Variants in C11orf54 observed in about 807,000 individuals in gnomAD.
C11orf54 encodes beta-keto-L-gulonate decarboxylase.
In C11orf54, 29 loss-of-function variants were observed where a neutral mutation model predicts 35.5. That is an observed-to-expected ratio of 0.82 (90% CI 0.61 to 1.11). The LOEUF (loss-of-function observed/expected upper bound fraction) is 1.11. Among genes scored for constraint, C11orf54 ranks in the 50% most tolerant of loss-of-function variants. C11orf54 has a pLI of 0.00. For missense variants in C11orf54, 373 were observed against 369.2 expected, an observed-to-expected ratio of 1.01 and a Z score of -0.08; for synonymous variants, 108 against 121.1, an observed-to-expected ratio of 0.89 and a Z score of 0.71.
chr11:93,753,045 A>G (rs559701054), intron 3 of C11orf54, among the ~76,000 whole-genome samples: 2 of 152,094 alleles, frequency 1.3e-5, no homozygotes, highest in Non-Finnish European at 2.9e-5. Flanking sequence ...CAGTAGCACA[A>G]TCTTGGCTCA....
Position 93,747,382 on chromosome 11 carries a change from A to G in C11orf54, c.-12A>G. On this transcript the variant is annotated 5_prime_UTR_variant, in exon 2 of 9. Transcript: ENST00000354421. ...TCTATTTGTCCAACCTCACACCTAAAGAAGAAAGAAAATGGCTTGTGCTGA... is the reference window on the plus strand; with the variant it reads ...TCTATTTGTCCAACCTCACACCTAAGGAAGAAAGAAAATGGCTTGTGCTGA... 6.3e-7 allele frequency: 1 copy of G among 1,594,112 alleles called. No homozygotes were observed. Among genetic ancestry groups the G allele is most frequent in the Non-Finnish European group, 8.5e-7 (1 of 1,172,374 alleles).
chr11:93,751,101 C>T (rs915543181), intron 3 of C11orf54, among the ~76,000 whole-genome samples: 3 of 152,110 alleles, frequency 2.0e-5, no homozygotes, highest in Non-Finnish European at 4.4e-5. Context: ...TCCTGTTATA[C>T]CCTATTATGA....
chr11:93,750,385 A>G lies in C11orf54; in HGVS notation c.95A>G (p.Gln32Arg). The G allele has an allele frequency of 6.2e-7, 1 of 1,613,876 alleles. No homozygotes were observed. Among genetic ancestry groups the G allele is most frequent in the Non-Finnish European group, 8.5e-7 (1 of 1,179,866 alleles). The stretch of plus-strand genomic sequence containing the variant: ...TTAAAAGATAACTTTGCTGATGTCC[A>G]GGTCTCTGTAGTTGATTGCCCTGAT... ...KGLKDNFADV[Q>R]VSVVDCPDLT... Residue 32 changes from glutamine (Q) to arginine (R), a missense_variant, in exon 3 of 9, where the codon CAG (glutamine) becomes CGG (arginine). Coordinates refer to ENST00000354421, the MANE Select transcript of C11orf54 (RefSeq NM_001286069.2).
At chr11:93,751,820 C>CTTTT (rs35146074) in intron 3 of C11orf54, among the ~76,000 whole-genome samples, 277 of 80,186 alleles carry the variant, frequency 3.5e-3, no homozygotes, top group Middle Eastern at 0.01. Context: ...AATGGTTAAT[C>CTTTT]TTTTTTTTTT....
chr11:93,755,647 G>C (rs118019732), intron 6 of C11orf54, among the ~76,000 whole-genome samples: 4,044 of 151,758 alleles, frequency 0.027, 88 homozygotes, highest in Middle Eastern at 0.031. Context: ...AGCTACTCGG[G>C]GGGGCTGAGG....
In C11orf54 at chr11:93,763,471, T is replaced by C. The variant is rs1458511241; in HGVS notation, c.*1783T>C. ...CACATGTCCAGACTGATAGCCAAGT[T>C]CAGTGGCTCACGCCTGTAATCCTAG... On this transcript the variant is annotated 3_prime_UTR_variant, in exon 9 of 9. Transcript: ENST00000354421. 6.6e-6 allele frequency: 1 copy of C among 152,132 alleles called. No homozygotes were observed. Among genetic ancestry groups the C allele is most frequent in the African/African-American group, 2.4e-5 (1 of 41,404 alleles). The allele number at this position is 152,132 out of a possible 1,614,324, so 9.4% of individuals were successfully genotyped here.
chr11:93,754,201 C>T (rs1448358721), intron 5 of C11orf54, among the ~76,000 whole-genome samples, 164 bp downstream of exon 5: 1 of 152,202 alleles, frequency 6.6e-6, no homozygotes, highest in African/African-American at 2.4e-5. Flanking sequence ...TCCAACTGGA[C>T]TAACTGTAAT....
At chr11:93,759,254 C>G (rs1034498563) in intron 7 of C11orf54, among the ~76,000 whole-genome samples, 2 of 152,120 alleles carry the variant, frequency 1.3e-5, no homozygotes, top group Non-Finnish European at 2.9e-5. Context: ...GACTTGGAAC[C>G]AACTCAAATG....
intron 1 of C11orf54, chr11:93,746,069 T>C (rs1263504902): frequency 6.6e-6 from 1 of 152,196 alleles, no homozygotes; most frequent in African/African-American, 2.4e-5. Flanking sequence ...AGCTGGTATT[T>C]GATAAAGTAC....
rs774798574 is a variant in C11orf54 at position 93,755,310 on chromosome 11, A to T, written c.431A>T (p.Lys144Ile). 1.9e-6 allele frequency: 3 copies of T among 1,614,172 alleles called. No homozygotes were observed. In the South Asian group the frequency reaches 3.3e-5, roughly 18 times the overall value. The change falls in exon 6 of 9, where the codon AAA becomes ATA. Residue 144 changes from lysine to isoleucine, a missense_variant. By Grantham distance (102) the Lys-to-Ile change is moderately radical. Coordinates refer to ENST00000354421, the MANE Select transcript of C11orf54 (RefSeq NM_001286069.2). Reference protein sequence around the residue: ...NPADGGCLLEKYSEKCHDFQC... With the variant: ...NPADGGCLLEIYSEKCHDFQC... ...GCAGATGGAGGGTGCCTACTGGAGAAATACAGTGAGAAATGTCATGATTTT... is the reference window on the plus strand; with the variant it reads ...GCAGATGGAGGGTGCCTACTGGAGATATACAGTGAGAAATGTCATGATTTT...
chr11:93,753,059 C>T (rs1301268763), intron 3 of C11orf54, among the ~76,000 whole-genome samples: 1 of 152,082 alleles, frequency 6.6e-6, no homozygotes, highest in African/African-American at 2.4e-5. Flanking sequence ...TGGCTCACTG[C>T]AACCTCTGCC....
intron 6 of C11orf54, 84 bp from the exon 7 acceptor site, chr11:93,757,232 T>C: frequency 7.1e-7 from 1 of 1,414,254 alleles, no homozygotes; most frequent in Non-Finnish European, 9.4e-7. Flanking sequence ...AATATTTGCT[T>C]GATAGAATTA....
rs117194591 is a variant in C11orf54, at chr11:93,756,432, G to A, written c.508-884G>A. On this transcript the variant is annotated intron_variant, in intron 6 of 8. Coordinates refer to ENST00000354421, the MANE Select transcript of C11orf54 (RefSeq NM_001286069.2). Reference sequence around the variant, plus strand: ...CCCTTGTGCCCAGGTGTTTGAGGCCGCAACGAGCTATGATCACACCACTGC... The same window carrying A: ...CCCTTGTGCCCAGGTGTTTGAGGCCACAACGAGCTATGATCACACCACTGC... 2.5e-3 allele frequency among the ~76,000 whole-genome samples: 380 copies of A among 149,284 alleles called. 11 individuals are homozygous for A. In the East Asian group the frequency reaches 0.053, roughly 21 times the overall value.
Position 93,762,338 on chromosome 11 carries a change from A to C in C11orf54, c.*650A>C, listed in dbSNP as rs752709929. 2 of 152,266 alleles carry C rather than the reference A, an allele frequency of 1.3e-5. No homozygotes were observed. Among genetic ancestry groups the C allele is most frequent in the Non-Finnish European group, 2.9e-5 (2 of 68,052 alleles). 9.4% of individuals were successfully genotyped at this position (152,266 alleles called of 1,614,324 possible). On this transcript the variant is annotated 3_prime_UTR_variant, in exon 9 of 9. Transcript: ENST00000354421. ...AAAATCAGTGTTTAGAAATGTTGATAGTTATTGAATCTTTGAATTGAATTT... is the reference window on the plus strand; with the variant it reads ...AAAATCAGTGTTTAGAAATGTTGATCGTTATTGAATCTTTGAATTGAATTT...
chr11:93,749,143 C>CAAAA (rs879164036), intron 2 of C11orf54, among the ~76,000 whole-genome samples: 33 of 54,192 alleles, frequency 6.1e-4, no homozygotes, highest in Non-Finnish European at 1.2e-3. Context: ...GACTCCATCT[C>CAAAA]AAAAAAAAAA....
At chr11:93,749,504 CA>C (rs10624807) in intron 2 of C11orf54, among the ~76,000 whole-genome samples, 25 of 71,734 alleles carry the variant, frequency 3.5e-4, no homozygotes, top group African/African-American at 1.5e-3. Context: ...GACTCTGTCT[CA>C]AAAAAAAAAA....
chr11:93,747,975 G>A (rs1448099011), intron 2 of C11orf54, among the ~76,000 whole-genome samples: 1 of 152,146 alleles, frequency 6.6e-6, no homozygotes, highest in Non-Finnish European at 1.5e-5. Context: ...ACAAAAACGA[G>A]TACAAAAATG....
intron 6 of C11orf54, among the ~76,000 whole-genome samples, chr11:93,756,065 G>A (rs1943126781): frequency 6.8e-6 from 1 of 147,744 alleles, no homozygotes; most frequent in African/African-American, 2.5e-5. Context: ...TACTTGGGAG[G>A]CTGAGGCAGG....
Position 93,755,520 on chromosome 11 carries a change from A to G in C11orf54, c.507+134A>G, listed in dbSNP as rs550082377. The G allele has an allele frequency of 8.9e-6, 8 of 901,792 alleles. No homozygotes were observed. In the East Asian group the frequency reaches 1.9e-4, roughly 22 times the overall value. 55.9% of individuals were successfully genotyped at this position (901,792 alleles called of 1,614,324 possible). ...TTTGGGAGGCCAAGCTGGGTGGATA[A>G]CTTGAGGTCAACTTGAGGTCAGGAG... On this transcript the variant is annotated intron_variant, in intron 6 of 8. Transcript: ENST00000354421.
Sources: gnomAD v4.1 joint callset for allele counts (sites outside exome capture counted in the v4.1 genomes callset) on GRCh38, gnomAD v4.1.1 for gene constraint, MANE v1.5 for transcripts, NCBI Gene and HGNC (gene_info 2026-07-23, HGNC 2026-07-21) for gene names.